TMEM19: variants seen among roughly 807,000 people sequenced by gnomAD.
The protein encoded by TMEM19 is transmembrane protein 19.
TMEM19 carries 21 observed loss-of-function variants against 33.6 expected under a neutral mutation model. The observed-to-expected ratio is 0.62, with a 90% CI of 0.44 to 0.90. TMEM19 has a LOEUF of 0.90. TMEM19 is among the 40% of genes least tolerant of loss of function. TMEM19 has a pLI of 0.00. For synonymous variants in TMEM19, 149 were observed against 147.5 expected (o/e 1.01, Z -0.07); for missense variants, 402 against 401.8 (o/e 1.00, Z 0.00).
intron 2 of TMEM19, among the ~76,000 whole-genome samples, chr12:71,690,063 G>A (rs931652392): frequency 1.4e-4 from 21 of 152,188 alleles, no homozygotes; most frequent in Non-Finnish European, 2.4e-4. Flanking sequence ...TTTGGAAATT[G>A]CTGTTAGTAA....
intron 2 of TMEM19, among the ~76,000 whole-genome samples, chr12:71,691,605 C>CAAAAAAAAAAAAAAA (rs57138830): frequency 2.0e-5 from 1 of 49,492 alleles, no homozygotes; most frequent in African/African-American, 5.0e-5. Context: ...TTCACCTCTA[C>CAAAAAAAAAAAAAAA]AAAAAAAAAA....
rs763388365 is a variant in TMEM19 at position 71,686,217 on chromosome 12, C to G, written c.-464C>G. On this transcript the variant is annotated 5_prime_UTR_variant, in exon 1 of 6. Coordinates refer to ENST00000266673, the MANE Select transcript of TMEM19 (RefSeq NM_018279.4). ...CTGTCGGGACGTGACTGCGTTCAGC[C>G]GCGTCGGGCGTGCTTCCCAGACTTG... The G allele has an allele frequency of 5.1e-6, 1 of 195,822 alleles. No homozygotes were observed. Among genetic ancestry groups the G allele is most frequent in the Non-Finnish European group, 1.0e-5 (1 of 95,610 alleles). 12.1% of individuals were successfully genotyped at this position (195,822 alleles called of 1,614,324 possible). A position where few individuals can be genotyped will look rare whatever the true frequency, so the allele number is the denominator to read the frequency against.
At chr12:71,696,681 C>A (rs1193799893) in intron 3 of TMEM19, 108 bp downstream of exon 3, 2 of 1,058,708 alleles carry the variant, frequency 1.9e-6, no homozygotes, top group African/African-American at 1.7e-5. Flanking sequence ...GAGTCTTGCT[C>A]TGTTGCCCAG....
chr12:71,697,483 C>G lies in TMEM19; in HGVS notation c.586C>G (p.Leu196Val). The change falls in exon 4 of 6, where the codon CTG (leucine) becomes GTG (valine). Residue 196 changes from leucine (L) to valine (V), a missense_variant. Transcript: ENST00000266673. ...ATGGGCTTCAGAAGTTGGCCCAGTT[C>G]TGAGTAAAAGTTCTCCAAGACTGAT... ...DTWASEVGPV[L>V]SKSSPRLITT... 4 of 1,596,842 alleles carry G rather than the reference C, an allele frequency of 2.5e-6. No homozygotes were observed. The highest frequency in any genetic ancestry group is 3.4e-6 in the Non-Finnish European group (4 of 1,174,042).
At chr12:71,692,746 G>A (rs1307706753) in intron 2 of TMEM19, among the ~76,000 whole-genome samples, 3 of 152,108 alleles carry the variant, frequency 2.0e-5, no homozygotes, top group Non-Finnish European at 4.4e-5. Flanking sequence ...TGAGGACAAA[G>A]AGTATCTTAT....
At position 71,696,598 on chromosome 12, in the gene TMEM19, A is replaced by C. The variant is rs550474660; in HGVS notation, c.382+25A>C. ...GGTAAAATTATGTTTGATATCATTCAAAATAGTAAACTTCATTTAATCCTA... is the reference window on the plus strand; with the variant it reads ...GGTAAAATTATGTTTGATATCATTCCAAATAGTAAACTTCATTTAATCCTA... On this transcript the variant is annotated intron_variant, in intron 3 of 5. Coordinates refer to ENST00000266673, the MANE Select transcript of TMEM19 (RefSeq NM_018279.4). The C allele has an allele frequency of 5.3e-5, 82 of 1,540,380 alleles. 1 individual carries two copies. In the African/African-American group the frequency reaches 1.1e-3, roughly 20 times the overall value.
chr12:71,691,091 T>TAA (rs930266482), intron 2 of TMEM19, among the ~76,000 whole-genome samples: 11 of 152,194 alleles, frequency 7.2e-5, no homozygotes, highest in African/African-American at 2.7e-4. Context: ...TTAAAGTCCT[T>TAA]ACCTCATTGC....
chr12:71,695,588 C>G (rs1881856858), intron 2 of TMEM19, among the ~76,000 whole-genome samples: 1 of 152,092 alleles, frequency 6.6e-6, no homozygotes, highest in African/African-American at 2.4e-5. Flanking sequence ...TGAGCTTTTG[C>G]CACTGGAACT....
At chr12:71,688,020 G>GT (rs1881722701) in intron 1 of TMEM19, among the ~76,000 whole-genome samples, 2 of 152,186 alleles carry the variant, frequency 1.3e-5, no homozygotes, top group African/African-American at 4.8e-5. Flanking sequence ...GGGGAGGGGT[G>GT]TAAGAAAAGA....
chr12:71,691,093 C>T (rs1267202961), intron 2 of TMEM19, among the ~76,000 whole-genome samples: 1 of 152,152 alleles, frequency 6.6e-6, no homozygotes, highest in Non-Finnish European at 1.5e-5. Context: ...AAAGTCCTTA[C>T]CTCATTGCCT....
At position 71,689,660 on chromosome 12, in the gene TMEM19, A is replaced by C; in HGVS notation, c.200A>C (p.Asn67Thr). 6.2e-7 allele frequency: 1 copy of C among 1,614,052 alleles called. No homozygotes were observed. Residue 67 changes from asparagine to threonine, a missense_variant, in exon 2 of 6, where the codon AAT becomes ACT. Asn to Thr is a moderately conservative substitution (Grantham distance 65). Transcript: ENST00000266673. ...SVVVPVLIVSNGLKKKSLDHS... is the reference protein window; with the variant it reads ...SVVVPVLIVSTGLKKKSLDHS... ...GTTGTTCCTGTTCTGATCGTCTCTA[A>C]TGGCCTTAAAAAGAAAAGTCTAGAT...
At chr12:71,694,355 A>C (rs1881835490) in intron 2 of TMEM19, among the ~76,000 whole-genome samples, 1 of 152,216 alleles carries the variant, frequency 6.6e-6, no homozygotes, top group Non-Finnish European at 1.5e-5. Context: ...GTGTGGTTTC[A>C]CAAGGGTGGC....
At chr12:71,695,270 TA>T (rs1368003586) in intron 2 of TMEM19, among the ~76,000 whole-genome samples, 1 of 152,216 alleles carries the variant, frequency 6.6e-6, no homozygotes, top group Non-Finnish European at 1.5e-5. Context: ...ACATGAACAT[TA>T]ATTGCTTCAT....
At chr12:71,699,309 C>T in intron 5 of TMEM19, 200 bp downstream of exon 5, 2 of 622,146 alleles carry the variant, frequency 3.2e-6, no homozygotes, top group South Asian at 4.0e-5. Context: ...TAGTCCCGCG[C>T]AGCAATGATT....
In TMEM19 at chr12:71,692,183, C is replaced by T. The variant is rs981482197; in HGVS notation, c.244+2479C>T. 3.9e-5 allele frequency among the ~76,000 whole-genome samples: 6 copies of T among 152,152 alleles called. No individual in the cohort carries two copies. In the South Asian group the frequency reaches 1.0e-3, roughly 26 times the overall value. On this transcript the variant is annotated intron_variant, in intron 2 of 5. Coordinates refer to ENST00000266673, the MANE Select transcript of TMEM19 (RefSeq NM_018279.4). ...TTGTTAGTGATTATGTAGTTTCAAC[C>T]ATATTTTTATACGTGAATGACTATT...
At chr12:71,700,132 C>T (rs1881951277) in intron 5 of TMEM19, among the ~76,000 whole-genome samples, 1 of 152,168 alleles carries the variant, frequency 6.6e-6, no homozygotes, top group African/African-American at 2.4e-5. Flanking sequence ...AATATTTGTT[C>T]TCCATTTTGT....
intron 2 of TMEM19, among the ~76,000 whole-genome samples, chr12:71,691,344 C>T (rs1881781760): frequency 6.6e-6 from 1 of 151,994 alleles, no homozygotes; most frequent in African/African-American, 2.4e-5. Context: ...ATCTATTTAA[C>T]AAATGCTTAT....
chr12:71,694,777 T>TTATTATAGAATATGTATGAATATG lies in TMEM19; in HGVS notation c.245-1639_245-1638insTATGTATTATAGAATATGTATGAA, dbSNP rs1881842684. On this transcript the variant is annotated intron_variant, in intron 2 of 5. Coordinates refer to ENST00000266673, the MANE Select transcript of TMEM19 (RefSeq NM_018279.4). ...CTACATTTTGGGCTAGCCAAGTAAA[T>TTATTATAGAATATGTATGAATATG]TATTATAGAATATGTATGAAGCAAT... Among the ~76,000 whole-genome samples, 9 of 152,330 alleles carry TTATTATAGAATATGTATGAATATG rather than the reference T, an allele frequency of 5.9e-5. No individual in the cohort carries two copies. The South Asian group carries it at 1.9e-3, about 32-fold the overall frequency.
At position 71,699,112 on chromosome 12, in the gene TMEM19, A is replaced by G. The variant is rs779065561; in HGVS notation, c.847+3A>G. 6.2e-6 allele frequency: 10 copies of G among 1,614,020 alleles called. No homozygotes were observed. The highest frequency in any genetic ancestry group is 8.5e-6 in the Non-Finnish European group (10 of 1,179,834). ...AGGGGCTACAATGCAGTATACTGGT[A>G]AGAACATTCCTTCATTCTTGCAACT... On this transcript the variant is annotated splice_donor_region_variant and intron_variant, in intron 5 of 5. Coordinates refer to ENST00000266673, the MANE Select transcript of TMEM19 (RefSeq NM_018279.4).
Sources: gnomAD v4.1 joint callset for allele counts (sites outside exome capture counted in the v4.1 genomes callset) on GRCh38, gnomAD v4.1.1 for gene constraint, MANE v1.5 for transcripts, NCBI Gene and HGNC (gene_info 2026-07-23, HGNC 2026-07-21) for gene names.